CNBD1: variants seen among roughly 807,000 people sequenced by gnomAD.
CNBD1 encodes the protein cyclic nucleotide binding domain containing 1, also known as cyclic nucleotide-binding domain-containing protein 1.
Under a neutral mutation model 54.4 loss-of-function variants are expected in CNBD1, and 71 were observed. The observed-to-expected ratio is 1.30, with a 90% CI of 1.08 to 1.59. The LOEUF (loss-of-function observed/expected upper bound fraction) is 1.59, where lower values mean the gene tolerates loss of function less well. Among genes scored for constraint, CNBD1 ranks in the 40% most tolerant of loss-of-function variants. The probability of loss-of-function intolerance (pLI) is 0.00; values close to 1 mark genes in which losing one functional copy is unlikely to be tolerated. For missense variants in CNBD1, 659 were observed against 518.0 expected, an observed-to-expected ratio of 1.27 and a Z score of -2.64; for synonymous variants, 182 against 170.7, an observed-to-expected ratio of 1.07 and a Z score of -0.51.
At chr8:87,339,920 G>A (rs973319505) in intron 8 of CNBD1, among the ~76,000 whole-genome samples, 3 of 151,976 alleles carry the variant, frequency 2.0e-5, no homozygotes, top group Non-Finnish European at 4.4e-5. Flanking sequence ...AGTGATTTAT[G>A]CATCAGTGTT....
chr8:87,021,744 A>G lies in CNBD1; in HGVS notation c.431+81990A>G, dbSNP rs1563437971. ...ACAACAAAGCTTTATCCTGCCCAAA[A>G]TGTCAGTTATGTCAGGGTTGAGGAA... On this transcript the variant is annotated intron_variant, in intron 4 of 10. Transcript: ENST00000518476. Among the ~76,000 whole-genome samples the G allele has an allele frequency of 2.6e-5, 4 of 152,190 alleles. No homozygotes were observed. In the South Asian group the frequency reaches 8.3e-4, roughly 32 times the overall value.
chr8:87,030,418 C>T (rs1230289108), intron 4 of CNBD1, among the ~76,000 whole-genome samples: 3 of 152,062 alleles, frequency 2.0e-5, no homozygotes, highest in African/African-American at 7.2e-5. Context: ...ATAGATTTTT[C>T]CTACTTTTTG....
In CNBD1 at chr8:87,268,085, G is replaced by A. The variant is rs534395000; in HGVS notation, c.772-16593G>A. Reference sequence around the variant, plus strand: ...TAGTGAGCACAGTACACAACAGGTAGCCTTCCAACCCACACCCTCCTCCTA... The same window carrying A: ...TAGTGAGCACAGTACACAACAGGTAACCTTCCAACCCACACCCTCCTCCTA... On this transcript the variant is annotated intron_variant, in intron 6 of 10. Transcript: ENST00000518476. 2.1e-4 allele frequency among the ~76,000 whole-genome samples: 32 copies of A among 152,130 alleles called. No homozygotes were observed. The South Asian group carries it at 6.6e-3, about 32-fold the overall frequency.
At chr8:87,119,470 A>G (rs1224462418) in intron 4 of CNBD1, among the ~76,000 whole-genome samples, 1 of 151,896 alleles carries the variant, frequency 6.6e-6, no homozygotes, top group East Asian at 1.9e-4. Context: ...CAAACCTAGG[A>G]GTCTTTTTGG....
chr8:87,262,119 A>G lies in CNBD1; in HGVS notation c.772-22559A>G, dbSNP rs190365547. ...CAGTGAGCCTGGATCATGCCACTGC[A>G]TTCCAGCCTGGGTGACAGACTGAGA... On this transcript the variant is annotated intron_variant, in intron 6 of 10. Transcript: ENST00000518476. Among the ~76,000 whole-genome samples the G allele has an allele frequency of 3.3e-3, 504 of 152,314 alleles. 2 individuals carry two copies. The highest frequency in any genetic ancestry group is 0.012 in the African/African-American group (484 of 41,570).
intron 6 of CNBD1, among the ~76,000 whole-genome samples, chr8:87,267,663 G>T (rs972514760): frequency 1.2e-4 from 19 of 152,116 alleles, no homozygotes; most frequent in African/African-American, 4.6e-4. Context: ...AGTAATTTGA[G>T]TATAGCATAC....
Position 86,995,978 on chromosome 8 carries a change from G to A in CNBD1, c.431+56224G>A, listed in dbSNP as rs1161708314. On this transcript the variant is annotated intron_variant, in intron 4 of 10. Coordinates refer to ENST00000518476, the MANE Select transcript of CNBD1 (RefSeq NM_173538.3). ...TGCCAAATAAGTCTAAATCCCTATC[G>A]ATATTAAGACCTGCCATGATTTCCA... Among the ~76,000 whole-genome samples, 6 of 151,950 alleles carry A rather than the reference G, an allele frequency of 3.9e-5. No homozygotes were observed. The East Asian group carries it at 9.7e-4, about 24-fold the overall frequency.
At chr8:86,888,118 A>G (rs1220145368) in intron 2 of CNBD1, among the ~76,000 whole-genome samples, 3 of 152,132 alleles carry the variant, frequency 2.0e-5, no homozygotes, top group African/African-American at 7.2e-5. Flanking sequence ...ATTTCCTTCC[A>G]TATGCATCAG....
chr8:87,324,274 TG>T, intron 8 of CNBD1, among the ~76,000 whole-genome samples: 1 of 67,010 alleles, frequency 1.5e-5, no homozygotes, highest in Non-Finnish European at 3.7e-5. Context: ...CTTTTTTGGT[TG>T]TGTCTCTGCC....
At chr8:86,892,241 G>C (rs1188457387) in intron 2 of CNBD1, among the ~76,000 whole-genome samples, 2 of 151,884 alleles carry the variant, frequency 1.3e-5, no homozygotes, top group African/African-American at 4.8e-5. Context: ...CTTCTGTTGA[G>C]GGTTTTTATT....
chr8:86,985,205 A>C (rs1313893746), intron 4 of CNBD1, among the ~76,000 whole-genome samples: 4 of 152,156 alleles, frequency 2.6e-5, no homozygotes, highest in Non-Finnish European at 4.4e-5. Flanking sequence ...CATGATTATG[A>C]GGCCTCCCCA....
intron 4 of CNBD1, among the ~76,000 whole-genome samples, chr8:86,967,235 T>A (rs923521652): frequency 1.3e-5 from 2 of 152,180 alleles, no homozygotes; most frequent in African/African-American, 4.8e-5. Flanking sequence ...CCTGGTCCTG[T>A]GCCTAGGAGG....
intron 10 of CNBD1, among the ~76,000 whole-genome samples, chr8:87,357,895 G>T (rs150377399): frequency 2.0e-5 from 3 of 152,250 alleles, no homozygotes; most frequent in Non-Finnish European, 4.4e-5. Context: ...TATTGAGGTA[G>T]ACTCCTAATA....
chr8:87,207,920 G>C (rs1814012010), intron 5 of CNBD1, among the ~76,000 whole-genome samples: 1 of 152,126 alleles, frequency 6.6e-6, no homozygotes, highest in African/African-American at 2.4e-5. Context: ...AGTTCCGACA[G>C]CTCAGATCTG....
chr8:86,961,306 A>C (rs775735418), intron 4 of CNBD1, among the ~76,000 whole-genome samples: 1 of 152,222 alleles, frequency 6.6e-6, no homozygotes, highest in Non-Finnish European at 1.5e-5. Flanking sequence ...TTTCTATGAC[A>C]GTTTGATTTT....
At chr8:87,171,719 A>G (rs553622229) in intron 4 of CNBD1, among the ~76,000 whole-genome samples, 59 of 151,762 alleles carry the variant, frequency 3.9e-4, no homozygotes, top group African/African-American at 1.3e-3. Context: ...GCTCACTGAA[A>G]CCTTCATCTC....
At chr8:87,405,514 A>G (rs1807637625) in intron 2 of CNBD1, among the ~76,000 whole-genome samples, 1 of 152,120 alleles carries the variant, frequency 6.6e-6, no homozygotes, top group Non-Finnish European at 1.5e-5. Context: ...TACAGCATAT[A>G]CTTAGCAATA....
chr8:86,918,597 T>C (rs1809223527), intron 3 of CNBD1, among the ~76,000 whole-genome samples: 1 of 151,550 alleles, frequency 6.6e-6, no homozygotes, highest in African/African-American at 2.4e-5. Context: ...TTATAAGGGG[T>C]TTCCCCTTCT....
At chr8:86,998,115 A>G (rs887943651) in intron 4 of CNBD1, among the ~76,000 whole-genome samples, 1 of 151,932 alleles carries the variant, frequency 6.6e-6, no homozygotes, top group African/African-American at 2.4e-5. Flanking sequence ...GTCATTGGTG[A>G]TACTAACCAT....
Sources: allele counts gnomAD v4.1 joint callset (sites outside exome capture counted in the v4.1 genomes callset), GRCh38; gene constraint gnomAD v4.1.1; transcripts MANE v1.5; gene names NCBI Gene and HGNC (gene_info 2026-07-23, HGNC 2026-07-21).